MSH3: variants seen among roughly 807,000 people sequenced by gnomAD.
The protein encoded by MSH3 is mutS homolog 3.
MSH3 carries 106 observed loss-of-function variants against 123.3 expected under a neutral mutation model. The ratio of observed to expected loss-of-function variants is 0.86; its 90% CI spans 0.73 to 1.01. MSH3 has a LOEUF of 1.01. Among genes scored for constraint, MSH3 ranks in the 50% least tolerant of loss-of-function variants. The pLI is 0.00. For missense variants in MSH3, 1,459 were observed against 1,347.6 expected, an observed-to-expected ratio of 1.08 and a Z score of -1.29; for synonymous variants, 515 against 481.4, an observed-to-expected ratio of 1.07 and a Z score of -0.91.
chr5:80,824,208 G>A (rs932773046), intron 20 of MSH3, among the ~76,000 whole-genome samples: 14 of 152,326 alleles, frequency 9.2e-5, no homozygotes, highest in Admixed American at 2.6e-4. Flanking sequence ...TGAGCTGTTG[G>A]GTACACCTCC....
At chr5:80,864,114 A>G (rs759357144) in intron 21 of MSH3, among the ~76,000 whole-genome samples, 1 of 152,190 alleles carries the variant, frequency 6.6e-6, no homozygotes, top group Non-Finnish European at 1.5e-5. Flanking sequence ...CCGGAGTCAT[A>G]TTGAAAAGCA....
intron 20 of MSH3, among the ~76,000 whole-genome samples, chr5:80,846,078 G>A (rs933450303): frequency 6.6e-6 from 1 of 152,084 alleles, no homozygotes; most frequent in Non-Finnish European, 1.5e-5. Flanking sequence ...TGACCTACAG[G>A]TGGCATTTTG....
intron 12 of MSH3, chr5:80,746,753 A>T: frequency 2.5e-6 from 1 of 397,470 alleles, no homozygotes; most frequent in Non-Finnish European, 5.0e-6. Context: ...TGATAGTCAC[A>T]GATTGTTTGG....
chr5:80,825,430 T>C (rs554506025), intron 20 of MSH3, among the ~76,000 whole-genome samples: 2 of 152,236 alleles, frequency 1.3e-5, no homozygotes, highest in Non-Finnish European at 2.9e-5. Flanking sequence ...TGGGTACATA[T>C]ACTTTGAGTT....
chr5:80,845,851 C>T (rs1328797539), intron 20 of MSH3, among the ~76,000 whole-genome samples: 1 of 152,128 alleles, frequency 6.6e-6, no homozygotes, highest in Non-Finnish European at 1.5e-5. Flanking sequence ...TTAGAACATG[C>T]TCCTTTTGCT....
At chr5:80,843,818 G>A (rs1745670005) in intron 20 of MSH3, among the ~76,000 whole-genome samples, 1 of 151,900 alleles carries the variant, frequency 6.6e-6, no homozygotes, top group Non-Finnish European at 1.5e-5. Flanking sequence ...AGTCTTGCTA[G>A]CAGTCTATCA....
At chr5:80,703,366 A>C (rs749536227) in intron 8 of MSH3, among the ~76,000 whole-genome samples, 1 of 152,184 alleles carries the variant, frequency 6.6e-6, no homozygotes, top group Non-Finnish European at 1.5e-5. Context: ...AGATATCACA[A>C]AGTTTACTTG....
intron 20 of MSH3, among the ~76,000 whole-genome samples, chr5:80,821,709 A>G (rs1745207913): frequency 6.6e-6 from 1 of 152,204 alleles, no homozygotes; most frequent in Non-Finnish European, 1.5e-5. Flanking sequence ...GCATATTCTT[A>G]CTGAGTATGC....
rs555089321 is a variant in MSH3, at chr5:80,702,447, C to A, written c.1341-23006C>A. Among the ~76,000 whole-genome samples the A allele has an allele frequency of 1.3e-4, 20 of 152,274 alleles. No individual in the cohort carries two copies. In the South Asian group the frequency reaches 4.1e-3, roughly 32 times the overall value. ...GACCACACCACAGGGTTAGTCCTTA[C>A]CTGGTGGGAGCCACTGGGAGCAGAG... On this transcript the variant is annotated intron_variant, in intron 8 of 23. Transcript: ENST00000265081.
chr5:80,779,394 T>C (rs1744368869), intron 17 of MSH3, among the ~76,000 whole-genome samples: 3 of 152,136 alleles, frequency 2.0e-5, no homozygotes, highest in African/African-American at 7.2e-5. Flanking sequence ...GCTTTTTATC[T>C]CTCATGTATT....
At chr5:80,851,039 G>A (rs1369513876) in intron 20 of MSH3, among the ~76,000 whole-genome samples, 27 of 152,020 alleles carry the variant, frequency 1.8e-4, no homozygotes, top group South Asian at 2.1e-4. Context: ...ACCATTTTCC[G>A]ATGCCAAAAA....
intron 20 of MSH3, among the ~76,000 whole-genome samples, chr5:80,832,191 G>A (rs1335626421): frequency 1.3e-5 from 2 of 152,132 alleles, no homozygotes; most frequent in Non-Finnish European, 2.9e-5. Flanking sequence ...ACTTATATGA[G>A]ATGCCTAGAA....
chr5:80,707,579 C>T (rs1750752614), intron 8 of MSH3, among the ~76,000 whole-genome samples: 1 of 151,450 alleles, frequency 6.6e-6, no homozygotes, highest in Non-Finnish European at 1.5e-5. Flanking sequence ...CAAAAAAACC[C>T]CAAAAAGCCA....
At chr5:80,843,858 C>G (rs1360351841) in intron 20 of MSH3, among the ~76,000 whole-genome samples, 1 of 151,942 alleles carries the variant, frequency 6.6e-6, no homozygotes, top group African/African-American at 2.4e-5. Context: ...AAAACTAGCT[C>G]CTGGATTCAT....
At chr5:80,688,901 TAATAAGCTCA>T (rs1361337546) in intron 8 of MSH3, among the ~76,000 whole-genome samples, 1 of 152,216 alleles carries the variant, frequency 6.6e-6, no homozygotes, top group Non-Finnish European at 1.5e-5. Context: ...TATCAAAGTT[TAATAAGCTCA>T]ATTCTGTGGG....
At chr5:80,836,926 T>G (rs543547136) in intron 20 of MSH3, among the ~76,000 whole-genome samples, 8 of 152,168 alleles carry the variant, frequency 5.3e-5, no homozygotes, top group Non-Finnish European at 8.8e-5. Context: ...TATATCTTAA[T>G]AAAGCTATTA....
intron 12 of MSH3, among the ~76,000 whole-genome samples, chr5:80,755,144 G>T (rs1310837650): frequency 2.0e-5 from 3 of 152,114 alleles, no homozygotes; most frequent in Non-Finnish European, 4.4e-5. Flanking sequence ...CTGACCTGGT[G>T]CCCCTTTCCT....
intron 19 of MSH3, among the ~76,000 whole-genome samples, chr5:80,809,856 T>C (rs773901349): frequency 2.0e-5 from 3 of 152,202 alleles, no homozygotes; most frequent in Non-Finnish European, 2.9e-5. Context: ...TAAGGAGTTA[T>C]TGAATTGTTT....
At chr5:80,709,570 T>A (rs554197320) in intron 8 of MSH3, among the ~76,000 whole-genome samples, 16 of 152,018 alleles carry the variant, frequency 1.1e-4, no homozygotes, top group Admixed American at 6.6e-4. Context: ...TGCAGTGAGC[T>A]GAGATCACGT....
Sources: gnomAD v4.1 joint callset for allele counts (sites outside exome capture counted in the v4.1 genomes callset) on GRCh38, gnomAD v4.1.1 for gene constraint, MANE v1.5 for transcripts, NCBI Gene and HGNC (gene_info 2026-07-23, HGNC 2026-07-21) for gene names.